Variants in DCDC2 observed in about 807,000 individuals in gnomAD.
The protein encoded by DCDC2 is doublecortin domain containing 2, also known as doublecortin domain-containing protein 2.
A neutral mutation model predicts 50.2 loss-of-function variants in DCDC2; 40 were observed. That is an observed-to-expected ratio of 0.80 (90% CI 0.62 to 1.04). DCDC2 has a LOEUF of 1.04. Ranked by LOEUF, DCDC2 falls within the 50% of genes least tolerant of loss-of-function variation. The probability of loss-of-function intolerance (pLI) is 0.00; values close to 1 mark genes in which losing one functional copy is unlikely to be tolerated. For missense variants in DCDC2, 570 were observed against 581.9 expected (o/e 0.98, Z 0.21); for synonymous variants, 234 against 210.6 (o/e 1.11, Z -0.96).
At chr6:24,252,099 G>C (rs1263157745) in intron 7 of DCDC2, among the ~76,000 whole-genome samples, 1 of 152,164 alleles carries the variant, frequency 6.6e-6, no homozygotes, top group African/African-American at 2.4e-5. Flanking sequence ...ACACAAAGTA[G>C]TTAAGCTTTC....
chr6:24,233,862 T>C (rs996749685), intron 7 of DCDC2, among the ~76,000 whole-genome samples: 4 of 152,216 alleles, frequency 2.6e-5, no homozygotes, highest in Non-Finnish European at 5.9e-5. Flanking sequence ...GTTAGGGAAA[T>C]GTGATGATTA....
rs577068773 is a variant in DCDC2 at position 24,312,142 on chromosome 6, A to G, written c.349-10098T>C. 3.4e-5 allele frequency among the ~76,000 whole-genome samples: 5 copies of G among 147,534 alleles called. No individual in the cohort carries two copies. In the East Asian group the frequency reaches 1.0e-3, roughly 30 times the overall value. On this transcript the variant is annotated intron_variant, in intron 2 of 9. Transcript: ENST00000378454. ...CTTGTGACCCCCACCCCCGCCTGCAAGAGAACAACTCCCCTTAACTGCAAT... is the reference window on the plus strand; with the variant it reads ...CTTGTGACCCCCACCCCCGCCTGCAGGAGAACAACTCCCCTTAACTGCAAT...
At chr6:24,249,999 T>G (rs541557681) in intron 7 of DCDC2, among the ~76,000 whole-genome samples, 1 of 152,326 alleles carries the variant, frequency 6.6e-6, no homozygotes, top group East Asian at 1.9e-4. Flanking sequence ...ACTCATCAAT[T>G]AGGCACTGAC....
At chr6:24,282,217 A>G (rs1195644380) in intron 6 of DCDC2, among the ~76,000 whole-genome samples, 1 of 151,678 alleles carries the variant, frequency 6.6e-6, no homozygotes, top group Non-Finnish European at 1.5e-5. Flanking sequence ...GCCTCCAATC[A>G]TCCCTCACTC....
chr6:24,283,836 C>G (rs972447001), intron 6 of DCDC2, among the ~76,000 whole-genome samples: 1 of 152,180 alleles, frequency 6.6e-6, no homozygotes, highest in Non-Finnish European at 1.5e-5. Context: ...CTGCCTAAGC[C>G]GAGTTTGTGA....
chr6:24,294,562 C>A (rs1763820326), intron 4 of DCDC2, among the ~76,000 whole-genome samples: 1 of 151,828 alleles, frequency 6.6e-6, no homozygotes, highest in East Asian at 1.9e-4. Flanking sequence ...TAATAAGATA[C>A]ATAGGCCACC....
chr6:24,304,948 A>C (rs1017011542), intron 2 of DCDC2, among the ~76,000 whole-genome samples: 1 of 152,190 alleles, frequency 6.6e-6, no homozygotes, highest in African/African-American at 2.4e-5. Context: ...CACTAAGCAC[A>C]TACAGAGGAT....
chr6:24,188,392 A>AT (rs1471678493), intron 8 of DCDC2, among the ~76,000 whole-genome samples: 2 of 148,654 alleles, frequency 1.3e-5, no homozygotes, highest in Admixed American at 6.7e-5. Flanking sequence ...TTGGAAGACA[A>AT]TGGAAGGACT....
upstream of DCDC2, among the ~76,000 whole-genome samples, chr6:24,359,909 G>A (rs1760635253): frequency 6.6e-6 from 1 of 152,178 alleles, no homozygotes. Context: ...GCGCGCAAGC[G>A]GGGCCCTGGT....
At chr6:24,349,900 T>C (rs1203561504) in intron 2 of DCDC2, among the ~76,000 whole-genome samples, 2 of 152,120 alleles carry the variant, frequency 1.3e-5, no homozygotes, top group Non-Finnish European at 2.9e-5. Flanking sequence ...TCTGAGCCCA[T>C]ATGGTGCCCT....
intron 8 of DCDC2, among the ~76,000 whole-genome samples, chr6:24,184,588 A>AT (rs1423276286): frequency 4.6e-5 from 7 of 151,106 alleles, no homozygotes; most frequent in South Asian, 2.1e-4. Context: ...AAAAATAAAA[A>AT]AAAAAGAATT....
intron 2 of DCDC2, among the ~76,000 whole-genome samples, chr6:24,342,694 A>T (rs1019612219): frequency 3.7e-4 from 28 of 76,362 alleles, no homozygotes; most frequent in Non-Finnish European, 6.4e-4. Context: ...GTCTCCAATT[A>T]AAAAAAAAAA....
chr6:24,341,489 C>T (rs1760152759), intron 2 of DCDC2, among the ~76,000 whole-genome samples: 1 of 146,796 alleles, frequency 6.8e-6, no homozygotes, highest in Non-Finnish European at 1.5e-5. Flanking sequence ...CTGAAATCAG[C>T]CAAGTGCAAA....
chr6:24,221,625 G>A (rs1232138661), intron 7 of DCDC2, among the ~76,000 whole-genome samples: 1 of 152,232 alleles, frequency 6.6e-6, no homozygotes, highest in Non-Finnish European at 1.5e-5. Context: ...TATGGAGCTA[G>A]GACAGGGAAA....
chr6:24,279,503 C>T (rs1025216524), intron 6 of DCDC2, among the ~76,000 whole-genome samples: 3 of 152,146 alleles, frequency 2.0e-5, no homozygotes, highest in African/African-American at 4.8e-5. Context: ...ATCACTTGAA[C>T]CCATGAGTTT....
intron 7 of DCDC2, among the ~76,000 whole-genome samples, chr6:24,227,184 G>C (rs1289122144): frequency 2.0e-5 from 3 of 152,198 alleles, no homozygotes; most frequent in Admixed American, 6.5e-5. Flanking sequence ...ATCATGTACT[G>C]AGTTAATTAG....
At chr6:24,271,288 C>A (rs575954844) in intron 7 of DCDC2, among the ~76,000 whole-genome samples, 54 of 150,228 alleles carry the variant, frequency 3.6e-4, no homozygotes, top group Non-Finnish European at 6.8e-4. Context: ...CCTGACCTTG[C>A]AGGCAGCAGA....
chr6:24,357,854 C>T lies in DCDC2; in HGVS notation c.-104G>A, dbSNP rs1760509228. ...CAGGGCGCGGGATCGCCTCCTGAAACGAACGAGAAACTGACGAATCCACAG... is the reference window on the plus strand; with the variant it reads ...CAGGGCGCGGGATCGCCTCCTGAAATGAACGAGAAACTGACGAATCCACAG... On this transcript the variant is annotated 5_prime_UTR_variant, in exon 1 of 10. Coordinates refer to ENST00000378454, the MANE Select transcript of DCDC2 (RefSeq NM_016356.5). 4.4e-6 allele frequency: 7 copies of T among 1,588,954 alleles called. No homozygotes were observed. The highest frequency in any genetic ancestry group is 5.1e-6 in the Non-Finnish European group (6 of 1,166,826).
chr6:24,342,765 T>C (rs1760183220), intron 2 of DCDC2, among the ~76,000 whole-genome samples: 1 of 152,198 alleles, frequency 6.6e-6, no homozygotes, highest in Non-Finnish European at 1.5e-5. Context: ...TAATGTTTTT[T>C]ACCCCCATTT....
Sources: allele counts gnomAD v4.1 joint callset (sites outside exome capture counted in the v4.1 genomes callset), GRCh38; gene constraint gnomAD v4.1.1; transcripts MANE v1.5; gene names NCBI Gene and HGNC (gene_info 2026-07-23, HGNC 2026-07-21).